Variants in AGMAT observed in about 807,000 individuals in gnomAD.
AGMAT encodes the protein guanidino acid hydrolase, mitochondrial.
In AGMAT, 37 loss-of-function variants were observed where a neutral mutation model predicts 29.3. The ratio of observed to expected loss-of-function variants is 1.26; its 90% CI spans 0.97 to 1.66. The LOEUF is 1.66. Ranked by LOEUF, AGMAT falls within the 40% of genes most tolerant of loss-of-function variation. AGMAT has a pLI of 0.00. For missense variants in AGMAT, 498 were observed against 497.8 expected (o/e 1.00, Z 0.00); for synonymous variants, 199 against 200.8 (o/e 0.99, Z 0.08).
intron 3 of AGMAT, 93 bp downstream of exon 3, chr1:15,580,001 C>T: frequency 8.5e-7 from 1 of 1,171,812 alleles, no homozygotes; most frequent in Non-Finnish European, 1.3e-6. Context: ...CCTGAGCCAG[C>T]AGCAGTCACC....
chr1:15,583,506 G>A (rs903608412), intron 1 of AGMAT, 111 bp from the exon 2 acceptor site: 2 of 1,050,820 alleles, frequency 1.9e-6, no homozygotes, highest in African/African-American at 1.6e-5. Flanking sequence ...TCCGTGTCGC[G>A]GCATTGCATA....
rs1269446854 is a variant in AGMAT, at chr1:15,572,532, G to C, written c.*1119C>G. 3 of 143,882 alleles carry C rather than the reference G, an allele frequency of 2.1e-5. No individual in the cohort carries two copies. The highest frequency in any genetic ancestry group is 7.8e-5 in the African/African-American group (3 of 38,492). 8.9% of individuals were successfully genotyped at this position (143,882 alleles called of 1,614,324 possible). ...GCGCCACCACGCCCAGCTAACTTCT[G>C]TATTTTCAGTAGAGATGGGTTTTCA... On this transcript the variant is annotated 3_prime_UTR_variant, in exon 7 of 7. Transcript: ENST00000375826.
chr1:15,580,201 CTTTTTTTT>C (rs34166013), intron 2 of AGMAT, 59 bp from the exon 3 acceptor site: 25 of 569,094 alleles, frequency 4.4e-5, no homozygotes, highest in Non-Finnish European at 6.3e-5. Flanking sequence ...ATAGAATAAT[CTTTTTTTT>C]TTTTTTTTTT....
chr1:15,579,456 C>T (rs1639083445), intron 3 of AGMAT, among the ~76,000 whole-genome samples: 1 of 152,118 alleles, frequency 6.6e-6, no homozygotes, highest in Non-Finnish European at 1.5e-5. Context: ...CTGCCAGCCA[C>T]CCAAAATAAA....
rs1047165877 is a variant in AGMAT at position 15,573,481 on chromosome 1, G to C, written c.*170C>G. 3.6e-6 allele frequency: 2 copies of C among 551,844 alleles called. No homozygotes were observed. The highest frequency in any genetic ancestry group is 6.6e-6 in the Non-Finnish European group (2 of 303,110). 34.2% of individuals were successfully genotyped at this position (551,844 alleles called of 1,614,324 possible). On this transcript the variant is annotated 3_prime_UTR_variant, in exon 7 of 7. Coordinates refer to ENST00000375826, the MANE Select transcript of AGMAT (RefSeq NM_024758.5). ...TTAATCCAAGTTCCTTAGAAATGTT[G>C]CTGTTTGGGTGAGAATTCTACTGAT...
In AGMAT at chr1:15,573,467, TC is replaced by T. The variant is rs1216397612; in HGVS notation, c.*183del. On this transcript the variant is annotated 3_prime_UTR_variant, in exon 7 of 7. Coordinates refer to ENST00000375826, the MANE Select transcript of AGMAT (RefSeq NM_024758.5). The stretch of plus-strand genomic sequence containing the variant: ...TTTTTTTCCCCCAATTAATCCAAGT[TC>T]CTTAGAAATGTTGCTGTTTGGGTGA... 3.7e-6 allele frequency: 2 copies of T among 541,258 alleles called. No homozygotes were observed. The highest frequency in any genetic ancestry group is 3.4e-6 in the Non-Finnish European group (1 of 296,764). The allele number at this position is 541,258 out of a possible 1,614,324, so 33.5% of individuals were successfully genotyped here. A position where few individuals can be genotyped will look rare whatever the true frequency, so the allele number is the denominator to read the frequency against.
At chr1:15,574,924 C>T in intron 5 of AGMAT, 83 bp from the exon 6 acceptor site, 1 of 1,096,004 alleles carries the variant, frequency 9.1e-7, no homozygotes, top group Admixed American at 1.9e-5. Flanking sequence ...CCAGCCCACG[C>T]CACCCTTTGA....
Position 15,578,811 on chromosome 1 carries a change from G to A in AGMAT, c.720+48C>T, listed in dbSNP as rs764032438. 102 of 1,595,930 alleles carry A rather than the reference G, an allele frequency of 6.4e-5. 1 individual carries two copies. The Admixed American group carries it at 1.7e-3, about 27-fold the overall frequency. On this transcript the variant is annotated intron_variant, in intron 4 of 6. Transcript: ENST00000375826. ...TGGCTGCCACTGGTGAGGCAACGGA[G>A]AGGAAGACATTTTGAGGGGCAAGGG...
chr1:15,579,186 C>G (rs571208737), intron 3 of AGMAT, 132 bp from the exon 4 acceptor site: 5 of 766,694 alleles, frequency 6.5e-6, no homozygotes, highest in Middle Eastern at 3.8e-4. Flanking sequence ...TTCTGCCTTG[C>G]AACTGGTTCC....
chr1:15,584,153 CTTTTTTT>C lies in AGMAT; in HGVS notation c.272+536_272+542del, dbSNP rs1639151321. Among the ~76,000 whole-genome samples the C allele has an allele frequency of 2.0e-5, 3 of 151,928 alleles. No homozygotes were observed. In the South Asian group the frequency reaches 6.2e-4, roughly 32 times the overall value. ...CAGGCTCCAGAATCCCTTCTTTTTT[CTTTTTTT>C]GAGACGGAGTCTCACTCTGTTGCCC... On this transcript the variant is annotated intron_variant, in intron 1 of 6. Transcript: ENST00000375826.
Position 15,580,144 on chromosome 1 carries a change from T to G in AGMAT, c.476-2A>C. 1 of 1,609,636 alleles carries G rather than the reference T, an allele frequency of 6.2e-7. No individual in the cohort carries two copies. ...GATATGTGATTGTGTGATCTCCACC[T>G]GCAAAGAGGAAGAAGAAAACATCTG... On this transcript the variant is annotated splice_acceptor_variant, in intron 2 of 6. Coordinates refer to ENST00000375826, the MANE Select transcript of AGMAT (RefSeq NM_024758.5). LOFTEE classifies it high-confidence loss of function.
intron 5 of AGMAT, 111 bp downstream of exon 5, chr1:15,577,574 A>C: frequency 8.1e-7 from 1 of 1,231,580 alleles, no homozygotes; most frequent in Non-Finnish European, 1.1e-6. Flanking sequence ...CTCCGTCTCA[A>C]ACAAACAAAC....
chr1:15,583,375 C>T lies in AGMAT; in HGVS notation c.293G>A (p.Arg98Gln). Residue 98 changes from arginine to glutamine, a missense_variant, in exon 2 of 7, where the codon CGG (arginine) becomes CAG (glutamine). Transcript: ENST00000375826. ...PGARFGPRRIREESVMLGTVN... is the reference protein window; with the variant it reads ...PGARFGPRRIQEESVMLGTVN... ...TGTCCCAAGCATCACTGATTCTTCC[C>T]GGATGCGGCGAGGTCCGAATCTGCA... 1.3e-5 allele frequency: 21 copies of T among 1,613,762 alleles called. No individual in the cohort carries two copies. Among genetic ancestry groups the T allele is most frequent in the Non-Finnish European group, 1.8e-5 (21 of 1,179,924 alleles).
chr1:15,584,920 G>C lies in AGMAT; in HGVS notation c.48C>G (p.Gly16=). ...GCCCTGCGGCAGGACGCGCGCCCAC[G>C]CCGGGCCCCGGGCCCCGGGCGCACC... ...ASGCARGPGP[G]VGARPAAGLF... Residue 16 remains glycine (G), a synonymous_variant, in exon 1 of 7, where the codon GGC becomes GGG. Coordinates refer to ENST00000375826, the MANE Select transcript of AGMAT (RefSeq NM_024758.5). The C allele has an allele frequency of 7.3e-7, 1 of 1,378,328 alleles. No individual in the cohort carries two copies. Among genetic ancestry groups the C allele is most frequent in the South Asian group, 1.7e-5 (1 of 59,074 alleles). 85.4% of individuals were successfully genotyped at this position (1,378,328 alleles called of 1,614,324 possible).
chr1:15,576,721 C>G (rs916498730), intron 5 of AGMAT, among the ~76,000 whole-genome samples: 1 of 129,438 alleles, frequency 7.7e-6, no homozygotes, highest in African/African-American at 2.8e-5. Context: ...AGCCACGACA[C>G]CTGGCCAAGT....
rs545971727 is a variant in AGMAT, at chr1:15,577,919, G to A, written c.721-55C>T. The A allele has an allele frequency of 4.2e-5, 66 of 1,558,326 alleles. No homozygotes were observed. In the African/African-American group the frequency reaches 7.7e-4, roughly 18 times the overall value. ...TGGCAGCATTTACAGGGCATTTCCTGTTTGCCAGCCCCATGCTCAGCTCTG... is the reference window on the plus strand; with the variant it reads ...TGGCAGCATTTACAGGGCATTTCCTATTTGCCAGCCCCATGCTCAGCTCTG... On this transcript the variant is annotated intron_variant, in intron 4 of 6. Transcript: ENST00000375826.
chr1:15,574,660 G>A (rs1441734577), intron 6 of AGMAT, 97 bp downstream of exon 6: 24 of 1,093,824 alleles, frequency 2.2e-5, no homozygotes, highest in Non-Finnish European at 3.3e-5. Context: ...TTACAGGCTT[G>A]GGCCACCATG....
intron 1 of AGMAT, 109 bp from the exon 2 acceptor site, chr1:15,583,504 G>A (rs1050453491): frequency 4.7e-6 from 5 of 1,064,718 alleles, no homozygotes; most frequent in Admixed American, 4.2e-5. Context: ...ATTCCGTGTC[G>A]CGGCATTGCA....
At chr1:15,577,987 C>T in intron 4 of AGMAT, 123 bp from the exon 5 acceptor site, 1 of 953,900 alleles carries the variant, frequency 1.0e-6, no homozygotes, top group Non-Finnish European at 1.5e-6. Flanking sequence ...GAAGAGGGAA[C>T]TATCCTATTT....
Sources: gnomAD v4.1 joint callset for allele counts (sites outside exome capture counted in the v4.1 genomes callset) on GRCh38, gnomAD v4.1.1 for gene constraint, MANE v1.5 for transcripts, NCBI Gene and HGNC (gene_info 2026-07-23, HGNC 2026-07-21) for gene names.